HACE1: variants seen among roughly 807,000 people sequenced by gnomAD.
The protein encoded by HACE1 is E3 ubiquitin-protein ligase HACE1.
A neutral mutation model predicts 118.4 loss-of-function variants in HACE1; 73 were observed. That is an observed-to-expected ratio of 0.62 (90% confidence interval 0.51 to 0.75). The LOEUF is 0.75. Among genes scored for constraint, HACE1 ranks in the 30% least tolerant of loss-of-function variants. The pLI is 0.00. For synonymous variants in HACE1, 368 were observed against 374.8 expected, an observed-to-expected ratio of 0.98 and a Z score of 0.21; for missense variants, 749 against 1,102.2, an observed-to-expected ratio of 0.68 and a Z score of 4.54.
chr6:104,848,831 T>C (rs1231133269), intron 4 of HACE1, among the ~76,000 whole-genome samples: 1 of 152,134 alleles, frequency 6.6e-6, no homozygotes, highest in Non-Finnish European at 1.5e-5. Context: ...AATGTCACTA[T>C]AATACAAGTA....
intron 19 of HACE1, among the ~76,000 whole-genome samples, chr6:104,761,484 T>C (rs1291463677): frequency 1.3e-5 from 2 of 152,198 alleles, no homozygotes; most frequent in East Asian, 3.9e-4. Flanking sequence ...TTGGGAAAAC[T>C]GGCTAGCCAT....
At chr6:104,746,304 TCA>T (rs1396764522) in intron 20 of HACE1, among the ~76,000 whole-genome samples, 20 of 152,214 alleles carry the variant, frequency 1.3e-4, no homozygotes, top group Admixed American at 1.3e-3. Flanking sequence ...TTAGTCCTAG[TCA>T]CAGTGTTATA....
Position 104,730,320 on chromosome 6 carries a change from TA to T in HACE1, c.2609del (p.Leu870TyrfsTer70). 3 of 1,533,652 alleles carry T rather than the reference TA, an allele frequency of 2.0e-6. No homozygotes were observed. The highest frequency in any genetic ancestry group is 2.7e-6 in the Non-Finnish European group (3 of 1,106,304). ...CAACATACCATGTGCTTGAAGTTGG[TA>T]AAAGATTTGGAGTATATGGCACAGC... ...IAAVPYTPNL[L>X]PTSSTCINML... On this transcript the variant is annotated frameshift_variant, in exon 23 of 24. Coordinates refer to ENST00000262903, the MANE Select transcript of HACE1 (RefSeq NM_020771.4). LOFTEE classifies it high-confidence loss of function.
intron 7 of HACE1, among the ~76,000 whole-genome samples, chr6:104,805,372 A>G (rs142345089): frequency 1.7e-3 from 255 of 152,346 alleles, no homozygotes; most frequent in Non-Finnish European, 2.3e-3. Flanking sequence ...CCAATGGATT[A>G]TAAATCATGC....
At chr6:104,792,211 G>A (rs184020028) in intron 10 of HACE1, among the ~76,000 whole-genome samples, 3 of 152,154 alleles carry the variant, frequency 2.0e-5, no homozygotes, top group African/African-American at 7.2e-5. Context: ...ATCTGCATTA[G>A]GTTTGTTCTC....
intron 22 of HACE1, chr6:104,731,150 T>C (rs749701107): frequency 2.0e-5 from 3 of 152,036 alleles, no homozygotes; most frequent in Non-Finnish European, 2.9e-5. Context: ...AGAAAATTAA[T>C]ATTTCTTCTA....
Position 104,784,100 on chromosome 6 carries a change from T to C in HACE1, c.1552A>G (p.Ile518Val). 1.3e-6 allele frequency: 2 copies of C among 1,563,618 alleles called. No individual in the cohort carries two copies. Among genetic ancestry groups the C allele is most frequent in the Non-Finnish European group, 1.8e-6 (2 of 1,134,264 alleles). The change falls in exon 14 of 24, where the codon ATC (isoleucine) becomes GTC (valine). Residue 518 changes from isoleucine to valine, a missense_variant. Coordinates refer to ENST00000262903, the MANE Select transcript of HACE1 (RefSeq NM_020771.4). ...AAAATTTCTACCTGTGCTTTTATGA[T>C]ATGCATGAATCTTGACATCAACTCA... is the stretch of plus-strand genomic sequence containing the variant. Reference protein sequence around the residue: ...CPELMSRFMHIIKAQPFKDRC... With the variant: ...CPELMSRFMHVIKAQPFKDRC...
chr6:104,758,558 A>G (rs1175317868), intron 19 of HACE1, among the ~76,000 whole-genome samples: 1 of 152,172 alleles, frequency 6.6e-6, no homozygotes, highest in Non-Finnish European at 1.5e-5. Context: ...AGCACTAAAC[A>G]TGGAAAGTAA....
intron 17 of HACE1, among the ~76,000 whole-genome samples, 183 bp from the exon 18 acceptor site, chr6:104,772,257 A>G (rs1780707034): frequency 6.6e-6 from 1 of 152,236 alleles, no homozygotes. Flanking sequence ...TTGGAAGTAT[A>G]GATGATAATC....
chr6:104,835,008 T>C (rs1774385668), intron 5 of HACE1, among the ~76,000 whole-genome samples: 1 of 152,298 alleles, frequency 6.6e-6, no homozygotes. Context: ...GGAGATTAAG[T>C]GCAAGTTTAA....
At chr6:104,794,678 C>T (rs971846183) in intron 10 of HACE1, among the ~76,000 whole-genome samples, 7 of 152,174 alleles carry the variant, frequency 4.6e-5, no homozygotes, top group Admixed American at 2.0e-4. Flanking sequence ...CCGAGATGAG[C>T]GGATTGCCAG....
chr6:104,801,144 A>T (rs1275664029), intron 7 of HACE1, among the ~76,000 whole-genome samples: 2 of 152,158 alleles, frequency 1.3e-5, no homozygotes, highest in East Asian at 3.8e-4. Flanking sequence ...TAATGACATA[A>T]AGTGAAAAGA....
At chr6:104,751,578 T>A (rs1221814517) in intron 19 of HACE1, among the ~76,000 whole-genome samples, 6 of 152,102 alleles carry the variant, frequency 3.9e-5, no homozygotes, top group Admixed American at 3.9e-4. Context: ...TGCAGTGAAC[T>A]ATGACCGTGC....
rs1239230004 is a variant in HACE1 at position 104,832,905 on chromosome 6, A to G, written c.534+137T>C. On this transcript the variant is annotated intron_variant, in intron 6 of 23. Coordinates refer to ENST00000262903, the MANE Select transcript of HACE1 (RefSeq NM_020771.4). ...CAAAGTGAGGCCCTGTCTCAAAAAA[A>G]AAAGTCCATATGATGCAGAAAATAA... is the stretch of plus-strand genomic sequence containing the variant. 3 of 806,656 alleles carry G rather than the reference A, an allele frequency of 3.7e-6. No individual in the cohort carries two copies. In the East Asian group the frequency reaches 8.0e-5, roughly 21 times the overall value. 50.0% of individuals were successfully genotyped at this position (806,656 alleles called of 1,614,324 possible).
At chr6:104,738,639 G>A (rs1315505727) in intron 22 of HACE1, among the ~76,000 whole-genome samples, 17 of 148,646 alleles carry the variant, frequency 1.1e-4, no homozygotes, top group African/African-American at 4.3e-4. Flanking sequence ...AAAGAAATGA[G>A]CAAAGCCTCC....
intron 14 of HACE1, among the ~76,000 whole-genome samples, chr6:104,783,082 A>C (rs1439982997): frequency 6.6e-6 from 1 of 152,174 alleles, no homozygotes; most frequent in African/African-American, 2.4e-5. Flanking sequence ...GCTCCTATCA[A>C]CACAAAATTT....
intron 6 of HACE1, among the ~76,000 whole-genome samples, chr6:104,832,029 A>AG (rs1198974569): frequency 6.9e-6 from 1 of 144,536 alleles, no homozygotes; most frequent in Non-Finnish European, 1.5e-5. Flanking sequence ...GAAGGAAGGA[A>AG]GGAGAAAGAA....
chr6:104,775,677 A>G (rs1266974086), intron 17 of HACE1, among the ~76,000 whole-genome samples: 1 of 152,240 alleles, frequency 6.6e-6, no homozygotes, highest in Non-Finnish European at 1.5e-5. Context: ...TAAAGGTTAC[A>G]GAGTTAAAGC....
In HACE1 at chr6:104,793,200, G is replaced by C. The variant is rs944935816; in HGVS notation, c.924-1546C>G. ...GAGGATGGCATGAACCCGGGAGGTG[G>C]AGCTCGCAGTAAGCCGAGATCGCGC... On this transcript the variant is annotated intron_variant, in intron 10 of 23. Transcript: ENST00000262903. Among the ~76,000 whole-genome samples, 6 of 149,916 alleles carry C rather than the reference G, an allele frequency of 4.0e-5. No individual in the cohort carries two copies. The East Asian group carries it at 1.2e-3, about 29-fold the overall frequency.
Sources: allele counts gnomAD v4.1 joint callset (sites outside exome capture counted in the v4.1 genomes callset), GRCh38; gene constraint gnomAD v4.1.1; transcripts MANE v1.5; gene names NCBI Gene and HGNC (gene_info 2026-07-23, HGNC 2026-07-21).